The following PARD3B variants were observed in gnomAD, a reference collection of about 807,000 sequenced individuals.
The protein encoded by PARD3B is par-3 family cell polarity regulator beta, also known as partitioning defective 3 homolog B.
In PARD3B, 103 loss-of-function variants were observed where a neutral mutation model predicts 130.2. The ratio of observed to expected loss-of-function variants is 0.79; its 90% CI spans 0.67 to 0.93. The LOEUF (loss-of-function observed/expected upper bound fraction) is 0.93. Among genes scored for constraint, PARD3B ranks in the 40% least tolerant of loss-of-function variants. The pLI, the probability that PARD3B is intolerant of heterozygous loss-of-function variation, is 0.00. For missense variants in PARD3B, 1,609 were observed against 1,499.2 expected (o/e 1.07, Z -1.21); for synonymous variants, 583 against 553.2 (o/e 1.05, Z -0.76).
intron 1 of PARD3B, among the ~76,000 whole-genome samples, chr2:204,615,993 C>A (rs996809233): frequency 6.6e-6 from 1 of 152,094 alleles, no homozygotes; most frequent in Non-Finnish European, 1.5e-5. Flanking sequence ...AATGGATAGA[C>A]CTACATGTAC....
intron 1 of PARD3B, among the ~76,000 whole-genome samples, chr2:204,570,261 A>G (rs548125719): frequency 6.6e-6 from 1 of 152,272 alleles, no homozygotes; most frequent in South Asian, 2.1e-4. Context: ...TTCATTCCTC[A>G]CATAGGCAGC....
intron 16 of PARD3B, among the ~76,000 whole-genome samples, chr2:205,260,862 A>C (rs983875398): frequency 1.3e-5 from 2 of 152,026 alleles, no homozygotes; most frequent in African/African-American, 4.8e-5. Flanking sequence ...CTTCTACTAA[A>C]GTTGTAGGCC....
intron 15 of PARD3B, among the ~76,000 whole-genome samples, chr2:205,198,949 A>T (rs1463781311): frequency 6.6e-6 from 1 of 152,048 alleles, no homozygotes; most frequent in East Asian, 1.9e-4. Flanking sequence ...TGAATTGGAT[A>T]TTACTGTTTG....
chr2:204,730,177 C>T (rs1449665395), intron 2 of PARD3B, among the ~76,000 whole-genome samples: 2 of 152,172 alleles, frequency 1.3e-5, no homozygotes, highest in Non-Finnish European at 2.9e-5. Context: ...CAGGTTCAAG[C>T]GATTTTCCTG....
chr2:204,956,901 C>T (rs1251528424), intron 2 of PARD3B, among the ~76,000 whole-genome samples: 1 of 152,058 alleles, frequency 6.6e-6, no homozygotes, highest in Non-Finnish European at 1.5e-5. Flanking sequence ...CTTGCTTTTT[C>T]CATAGTTAAT....
At chr2:205,381,061 AATATATATT>A (rs374998161) in intron 18 of PARD3B, among the ~76,000 whole-genome samples, 11,516 of 74,422 alleles carry the variant, frequency 0.15, 1,885 homozygotes, top group African/African-American at 0.36. Context: ...ATATATAAAG[AATATATATT>A]ATATATATTA....
chr2:205,129,727 CCTTA>C (rs1180951739), intron 10 of PARD3B, among the ~76,000 whole-genome samples: 3 of 152,210 alleles, frequency 2.0e-5, no homozygotes, highest in Non-Finnish European at 4.4e-5. Context: ...CTTAAATCTT[CCTTA>C]CTTCCTTGTT....
chr2:204,550,828 A>G (rs1185762300), intron 1 of PARD3B, among the ~76,000 whole-genome samples: 1 of 152,172 alleles, frequency 6.6e-6, no homozygotes, highest in African/African-American at 2.4e-5. Flanking sequence ...ATCTGGTATG[A>G]TAATGTGTGG....
At chr2:205,133,757 C>G (rs985147558) in intron 10 of PARD3B, among the ~76,000 whole-genome samples, 3 of 152,198 alleles carry the variant, frequency 2.0e-5, no homozygotes, top group African/African-American at 7.2e-5. Flanking sequence ...AGTTACCCAA[C>G]TCAATTACCC....
At chr2:204,777,279 A>C (rs989172536) in intron 2 of PARD3B, among the ~76,000 whole-genome samples, 1 of 152,164 alleles carries the variant, frequency 6.6e-6, no homozygotes, top group Admixed American at 6.5e-5. Flanking sequence ...TATACTGAAC[A>C]TTTAAAAGTA....
intron 3 of PARD3B, among the ~76,000 whole-genome samples, chr2:205,045,882 C>G (rs745315130): frequency 5.3e-5 from 8 of 152,068 alleles, no homozygotes; most frequent in Non-Finnish European, 1.0e-4. Flanking sequence ...ATGTTCACTT[C>G]TGTGCCTCTA....
intron 1 of PARD3B, among the ~76,000 whole-genome samples, chr2:204,551,014 T>G (rs1164202664): frequency 2.0e-5 from 3 of 152,224 alleles, no homozygotes; most frequent in Admixed American, 2.0e-4. Context: ...TTATTTCCTA[T>G]TCAGACCTCA....
intron 1 of PARD3B, among the ~76,000 whole-genome samples, chr2:204,631,216 T>C (rs761834535): frequency 2.1e-4 from 32 of 151,628 alleles, no homozygotes; most frequent in Non-Finnish European, 3.8e-4. Flanking sequence ...TACCCCAAAG[T>C]CATTGTACCG....
Position 205,207,131 on chromosome 2 carries a change from G to A in PARD3B, c.2140+13811G>A, listed in dbSNP as rs548647051. 6.5e-3 allele frequency among the ~76,000 whole-genome samples: 933 copies of A among 142,640 alleles called. 9 individuals carry two copies. Among genetic ancestry groups the A allele is most frequent in the Middle Eastern group, 0.014 (4 of 292 alleles). The allele number at this position is 142,640 out of a possible 152,430, so 93.6% of individuals were successfully genotyped here. ...CCTGAATGACTACTGGGTATATAAC[G>A]AAATGAAGGCAGAAATAAAGATGTT... On this transcript the variant is annotated intron_variant, in intron 15 of 22. Transcript: ENST00000406610.
Position 205,090,134 on chromosome 2 carries a change from G to T in PARD3B, c.505-14292G>T, listed in dbSNP as rs541001516. 9.2e-5 allele frequency among the ~76,000 whole-genome samples: 14 copies of T among 152,304 alleles called. No homozygotes were observed. In the South Asian group the frequency reaches 2.9e-3, roughly 32 times the overall value. ...AACTCTTATCTGTCAGGAAGCATGT[G>T]CTTTTCTGTGCAACCCTGGGAGTTC... On this transcript the variant is annotated intron_variant, in intron 4 of 22. Transcript: ENST00000406610.
intron 1 of PARD3B, among the ~76,000 whole-genome samples, chr2:204,557,374 T>C (rs1481494629): frequency 6.6e-6 from 1 of 152,162 alleles, no homozygotes; most frequent in African/African-American, 2.4e-5. Context: ...GAAACCTGGA[T>C]ATCCTTCACA....
intron 10 of PARD3B, among the ~76,000 whole-genome samples, chr2:205,148,206 T>C (rs1052655984): frequency 3.9e-5 from 6 of 152,180 alleles, no homozygotes; most frequent in Non-Finnish European, 7.4e-5. Flanking sequence ...GGTGAAATAC[T>C]TTAAAAGATC....
At position 205,071,733 on chromosome 2, in the gene PARD3B, G is replaced by A. The variant is rs183935315; in HGVS notation, c.504+24043G>A. ...TGTAGTGTATCACGTATGTGTGTGTGTATACAGAGATACACACATAGTAAT... is the reference window on the plus strand; with the variant it reads ...TGTAGTGTATCACGTATGTGTGTGTATATACAGAGATACACACATAGTAAT... On this transcript the variant is annotated intron_variant, in intron 4 of 22. Transcript: ENST00000406610. Among the ~76,000 whole-genome samples the A allele has an allele frequency of 8.1e-4, 124 of 152,226 alleles. 1 individual carries two copies. The highest frequency in any genetic ancestry group is 2.8e-3 in the African/African-American group (116 of 41,538).
At chr2:204,554,676 C>T (rs1259586949) in intron 1 of PARD3B, among the ~76,000 whole-genome samples, 3 of 151,840 alleles carry the variant, frequency 2.0e-5, no homozygotes, top group East Asian at 1.9e-4. Flanking sequence ...TACTGTCTCT[C>T]CTTAACACAA....
Sources: allele counts gnomAD v4.1 joint callset (sites outside exome capture counted in the v4.1 genomes callset), GRCh38; gene constraint gnomAD v4.1.1; transcripts MANE v1.5; gene names NCBI Gene and HGNC (gene_info 2026-07-23, HGNC 2026-07-21).